FAM135B: variants seen among roughly 807,000 people sequenced by gnomAD.
FAM135B encodes the protein protein FAM135B.
A neutral mutation model predicts 127.7 loss-of-function variants in FAM135B; 43 were observed. That is an observed-to-expected ratio of 0.34 (90% CI 0.26 to 0.43). The LOEUF is 0.43. Ranked by LOEUF, FAM135B falls within the 20% of genes least tolerant of loss-of-function variation. The pLI is 1.00. For missense variants in FAM135B, 1,558 were observed against 1,725.6 expected, an observed-to-expected ratio of 0.90 and a Z score of 1.72; for synonymous variants, 670 against 665.1, an observed-to-expected ratio of 1.01 and a Z score of -0.11.
intron 1 of FAM135B, among the ~76,000 whole-genome samples, chr8:138,492,840 G>A (rs182626868): frequency 4.9e-4 from 74 of 152,210 alleles, no homozygotes; most frequent in Non-Finnish European, 7.1e-4. Context: ...CTTTGTTCCC[G>A]CAGACCCCCG....
intron 3 of FAM135B, among the ~76,000 whole-genome samples, chr8:138,268,710 C>A (rs1586927743): frequency 1.3e-5 from 2 of 152,338 alleles, no homozygotes; most frequent in Non-Finnish European, 1.5e-5. Flanking sequence ...AAAGTACATA[C>A]TCTCTCTGCC....
At chr8:138,289,336 TG>T (rs148998216) in intron 3 of FAM135B, among the ~76,000 whole-genome samples, 1,888 of 152,282 alleles carry the variant, frequency 0.012, 32 homozygotes, top group African/African-American at 0.041. Context: ...TCAGAATTGT[TG>T]AAGGAAGAAT....
intron 1 of FAM135B, among the ~76,000 whole-genome samples, chr8:138,387,044 T>C (rs1488713680): frequency 6.6e-6 from 1 of 152,220 alleles, no homozygotes; most frequent in Non-Finnish European, 1.5e-5. Context: ...CCAAGCCCTA[T>C]AAAAGCTGAG....
intron 1 of FAM135B, among the ~76,000 whole-genome samples, chr8:138,452,475 T>C (rs760696525): frequency 6.6e-6 from 1 of 152,112 alleles, no homozygotes; most frequent in Non-Finnish European, 1.5e-5. Flanking sequence ...AGAGTAGGAT[T>C]GAGAGGCCCA....
intron 8 of FAM135B, among the ~76,000 whole-genome samples, chr8:138,196,595 C>T (rs1816651508): frequency 6.6e-6 from 1 of 152,148 alleles, no homozygotes; most frequent in African/African-American, 2.4e-5. Flanking sequence ...GCCATTGACC[C>T]AGTCAAAACC....
chr8:138,240,003 G>C (rs1820612995), intron 7 of FAM135B, among the ~76,000 whole-genome samples: 1 of 146,478 alleles, frequency 6.8e-6, no homozygotes, highest in Non-Finnish European at 1.5e-5. Flanking sequence ...CTGTCATGGG[G>C]TGGGGGAGGG....
At chr8:138,167,862 T>C in intron 12 of FAM135B, 33 bp downstream of exon 12, 2 of 1,584,180 alleles carry the variant, frequency 1.3e-6, no homozygotes, top group South Asian at 2.3e-5. Context: ...GAAAGCCTTA[T>C]TCCTGAGTCT....
chr8:138,196,993 A>G (rs2131128466), intron 8 of FAM135B, among the ~76,000 whole-genome samples: 1 of 152,274 alleles, frequency 6.6e-6, no homozygotes, highest in South Asian at 2.1e-4. Flanking sequence ...ATGTGCAAAA[A>G]TCAACTGATC....
chr8:138,242,815 A>G lies in FAM135B; in HGVS notation c.669+127T>C. On this transcript the variant is annotated intron_variant, in intron 7 of 19. Transcript: ENST00000395297. The surrounding 1 kb of genome is among the most constrained non-coding windows in gnomAD (Gnocchi z 9.6). ...AAAAACAAGGGGTGGGAAGATGGTG[A>G]AAGGAAGGGTCAAATTAGCAAAAAT... 1 of 1,269,982 alleles carries G rather than the reference A, an allele frequency of 7.9e-7. No individual in the cohort carries two copies. Among genetic ancestry groups the G allele is most frequent in the Non-Finnish European group, 1.1e-6 (1 of 940,610 alleles). The allele number at this position is 1,269,982 out of a possible 1,614,324, so 78.7% of individuals were successfully genotyped here.
At chr8:138,494,268 G>T (rs1564042273) in intron 1 of FAM135B, among the ~76,000 whole-genome samples, 1 of 152,172 alleles carries the variant, frequency 6.6e-6, no homozygotes. Flanking sequence ...CTGCACAGGT[G>T]GTCATGTTAG....
chr8:138,218,753 G>GCACACACA (rs139117207), intron 7 of FAM135B, among the ~76,000 whole-genome samples: 15 of 51,390 alleles, frequency 2.9e-4, no homozygotes, highest in African/African-American at 5.5e-4. Flanking sequence ...AAACTTACAC[G>GCACACACA]CACACACACA....
chr8:138,316,699 G>A (rs1422883689), intron 2 of FAM135B, among the ~76,000 whole-genome samples: 2 of 152,012 alleles, frequency 1.3e-5, no homozygotes, highest in Non-Finnish European at 2.9e-5. Context: ...TTAAACATAC[G>A]GCCGGGCGTG....
At chr8:138,427,768 C>T (rs540678145) in intron 1 of FAM135B, among the ~76,000 whole-genome samples, 3 of 152,220 alleles carry the variant, frequency 2.0e-5, no homozygotes, top group East Asian at 3.9e-4. Flanking sequence ...CTGTTGAAAT[C>T]GATGTAACAT....
At chr8:138,456,902 C>T (rs113239285) in intron 1 of FAM135B, among the ~76,000 whole-genome samples, 9 of 152,028 alleles carry the variant, frequency 5.9e-5, no homozygotes, top group South Asian at 2.1e-4. Flanking sequence ...AGTCATACCC[C>T]GTTCCTCTCA....
chr8:138,296,719 G>C (rs894800205), intron 3 of FAM135B, among the ~76,000 whole-genome samples: 1 of 152,082 alleles, frequency 6.6e-6, no homozygotes, highest in African/African-American at 2.4e-5. Flanking sequence ...TATTTTGTGT[G>C]ATATATATTT....
intron 2 of FAM135B, among the ~76,000 whole-genome samples, chr8:138,354,866 T>C (rs1447070718): frequency 6.6e-6 from 1 of 152,036 alleles, no homozygotes; most frequent in Non-Finnish European, 1.5e-5. Flanking sequence ...AGGGGACTCT[T>C]TTCTCATTCA....
At chr8:138,331,018 T>G (rs2130993166) in intron 2 of FAM135B, among the ~76,000 whole-genome samples, 1 of 152,132 alleles carries the variant, frequency 6.6e-6, no homozygotes, top group Non-Finnish European at 1.5e-5. Flanking sequence ...AATTTTGTAT[T>G]TTTAGTAGAG....
rs541731643 is a variant in FAM135B, at chr8:138,347,487, G to A, written c.77+20420C>T. On this transcript the variant is annotated intron_variant, in intron 2 of 19. Transcript: ENST00000395297. ...CACCTCTGCATGAGCGTAGTGCATGGAAACCCAAGCTTCTGAAAGATCACA... is the reference window on the plus strand; with the variant it reads ...CACCTCTGCATGAGCGTAGTGCATGAAAACCCAAGCTTCTGAAAGATCACA... Among the ~76,000 whole-genome samples the A allele has an allele frequency of 2.0e-5, 3 of 152,316 alleles. No individual in the cohort carries two copies. The East Asian group carries it at 5.8e-4, about 29-fold the overall frequency.
intron 9 of FAM135B, among the ~76,000 whole-genome samples, chr8:138,187,628 A>G (rs1236703021): frequency 2.0e-5 from 3 of 152,350 alleles, no homozygotes; most frequent in African/African-American, 7.2e-5. Context: ...ATACACATAC[A>G]TACATATCTC....
Sources: gnomAD v4.1 joint callset for allele counts (sites outside exome capture counted in the v4.1 genomes callset) on GRCh38, gnomAD v4.1.1 for gene constraint, Gnocchi (gnomAD v3.1) non-coding constraint, MANE v1.5 for transcripts, NCBI Gene and HGNC (gene_info 2026-07-23, HGNC 2026-07-21) for gene names.